Variants in TTLL5 observed in about 807,000 individuals in gnomAD.
The protein encoded by TTLL5 is tubulin tyrosine ligase like 5.
Under a neutral mutation model 168.4 loss-of-function variants are expected in TTLL5, and 132 were observed. The observed-to-expected ratio is 0.78, with a 90% CI of 0.68 to 0.91. The LOEUF (loss-of-function observed/expected upper bound fraction) is 0.91. TTLL5 is among the 40% of genes least tolerant of loss of function. The probability of loss-of-function intolerance (pLI) is 0.00; values close to 1 mark genes in which losing one functional copy is unlikely to be tolerated. For synonymous variants in TTLL5, 546 were observed against 558.6 expected (o/e 0.98, Z 0.32); for missense variants, 1,545 against 1,581.5 (o/e 0.98, Z 0.39).
chr14:75,950,177 ATAGATTTCAAT>A (rs1454075787), intron 31 of TTLL5, among the ~76,000 whole-genome samples: 2 of 152,244 alleles, frequency 1.3e-5, no homozygotes, highest in Middle Eastern at 3.2e-3. Flanking sequence ...AGAGGAAGGG[ATAGATTTCAAT>A]AATAACGTTA....
chr14:75,794,132 T>G (rs1892868345), intron 27 of TTLL5, among the ~76,000 whole-genome samples: 1 of 152,220 alleles, frequency 6.6e-6, no homozygotes, highest in South Asian at 2.1e-4. Flanking sequence ...ATTATTTTCT[T>G]TCTCAAATCC....
At chr14:75,690,065 G>A (rs538735196) in intron 5 of TTLL5, 127 bp from the exon 6 acceptor site, 33 of 1,005,546 alleles carry the variant, frequency 3.3e-5, no homozygotes, top group Middle Eastern at 4.5e-4. Context: ...ACAGCGATAT[G>A]TTTAGGATAC....
intron 22 of TTLL5, 56 bp downstream of exon 22, chr14:75,775,686 G>T: frequency 6.3e-7 from 1 of 1,591,368 alleles, no homozygotes. Flanking sequence ...GTCAGAAACA[G>T]ACTAGATAGA....
chr14:75,945,162 C>A (rs1370140746), intron 31 of TTLL5, among the ~76,000 whole-genome samples: 1 of 150,850 alleles, frequency 6.6e-6, no homozygotes, highest in Non-Finnish European at 1.5e-5. Flanking sequence ...GTGTACTTTC[C>A]TTCCTTTTGT....
At position 75,717,882 on chromosome 14, in the gene TTLL5, T is replaced by C; in HGVS notation, c.762T>C (p.Asp254=). 2 of 1,613,778 alleles carry C rather than the reference T, an allele frequency of 1.2e-6. No homozygotes were observed. The highest frequency in any genetic ancestry group is 1.7e-6 in the Non-Finnish European group (2 of 1,179,882). Residue 254 remains aspartate (D), a synonymous_variant, in exon 10 of 32, where the codon GAT becomes GAC. Coordinates refer to ENST00000298832, the MANE Select transcript of TTLL5 (RefSeq NM_015072.5). The part of the protein sequence containing the change: ...GLARFATVRY[D]QGAKNIRNQF... ...TCAGGTTTGCAACTGTGCGATATGA[T>C]CAAGGAGCCAAGAACATTCGGAACC...
At chr14:75,743,757 A>C (rs1002863664) in intron 15 of TTLL5, among the ~76,000 whole-genome samples, 2 of 151,344 alleles carry the variant, frequency 1.3e-5, no homozygotes, top group Non-Finnish European at 3.0e-5. Context: ...AATTTTTTGT[A>C]TTTTTAGTAG....
chr14:75,863,706 A>G lies in TTLL5; in HGVS notation c.3366A>G (p.Val1122=). Residue 1122 remains valine (V), a synonymous_variant, in exon 29 of 32, where the codon GTA becomes GTG. Coordinates refer to ENST00000298832, the MANE Select transcript of TTLL5 (RefSeq NM_015072.5). ...QTGGFAWEGE[V]ENNVYSQATG... is the part of the protein sequence containing the mutation. ...GGGGATTTGCCTGGGAAGGAGAAGT[A>G]GAAAACAACGTGTACAGCCAGGCTA... 3.7e-6 allele frequency: 6 copies of G among 1,613,006 alleles called. No homozygotes were observed. Among genetic ancestry groups the G allele is most frequent in the Non-Finnish European group, 4.2e-6 (5 of 1,179,608 alleles).
chr14:75,914,033 A>AAATATATATATATATATATATATAT, intron 31 of TTLL5, among the ~76,000 whole-genome samples: 1 of 71,098 alleles, frequency 1.4e-5, no homozygotes, highest in African/African-American at 1.6e-4. Context: ...AAAAAAAAAA[A>AAATATATATATATATATATATATAT]ATATATATAT....
intron 28 of TTLL5, among the ~76,000 whole-genome samples, chr14:75,852,708 A>G (rs1382718506): frequency 6.6e-6 from 1 of 152,226 alleles, no homozygotes; most frequent in Non-Finnish European, 1.5e-5. Flanking sequence ...GAGATCACTT[A>G]AAAATCTTGT....
chr14:75,894,658 C>T (rs921737117), intron 30 of TTLL5, among the ~76,000 whole-genome samples: 1 of 152,112 alleles, frequency 6.6e-6, no homozygotes, highest in Non-Finnish European at 1.5e-5. Context: ...ACAAATTAAA[C>T]TCTTCCATTA....
At chr14:75,675,502 T>C (rs1884072618) in intron 3 of TTLL5, among the ~76,000 whole-genome samples, 1 of 152,154 alleles carries the variant, frequency 6.6e-6, no homozygotes, top group Admixed American at 6.5e-5. Context: ...ATGTGAGTGG[T>C]TGGAGAAGAG....
intron 28 of TTLL5, among the ~76,000 whole-genome samples, chr14:75,844,416 A>T (rs1180406867): frequency 1.3e-5 from 2 of 152,246 alleles, no homozygotes; most frequent in Non-Finnish European, 2.9e-5. Flanking sequence ...TCTAAAACAA[A>T]GGTCTGTAGC....
At chr14:75,803,804 A>G (rs77518129) in intron 27 of TTLL5, among the ~76,000 whole-genome samples, 4,263 of 152,188 alleles carry the variant, frequency 0.028, 74 homozygotes, top group Middle Eastern at 0.065. Context: ...TAGTGCTCTG[A>G]AGAGATGTAG....
At chr14:75,771,621 T>C in intron 20 of TTLL5, 113 bp from the exon 21 acceptor site, 5 of 1,467,564 alleles carry the variant, frequency 3.4e-6, no homozygotes, top group Non-Finnish European at 4.6e-6. Context: ...GTTTCATATT[T>C]CTTAGCCATC....
At chr14:75,903,964 G>A in intron 31 of TTLL5, 1 of 404,158 alleles carries the variant, frequency 2.5e-6, no homozygotes. Flanking sequence ...TATCTCATAA[G>A]GCTTATAGTA....
At chr14:75,767,776 G>A (rs1323458827) in intron 20 of TTLL5, among the ~76,000 whole-genome samples, 1 of 152,166 alleles carries the variant, frequency 6.6e-6, no homozygotes, top group Admixed American at 6.5e-5. Flanking sequence ...GAAACTAAAG[G>A]CAGGGGGGTG....
intron 27 of TTLL5, among the ~76,000 whole-genome samples, chr14:75,801,095 TACG>T (rs754700736): frequency 2.6e-5 from 4 of 152,062 alleles, no homozygotes; most frequent in Non-Finnish European, 5.9e-5. Flanking sequence ...CCCAAGATAT[TACG>T]TCTTTTTTCT....
At chr14:75,886,145 A>G (rs140833065) in intron 30 of TTLL5, among the ~76,000 whole-genome samples, 2,175 of 152,316 alleles carry the variant, frequency 0.014, 64 homozygotes, top group African/African-American at 0.047. Flanking sequence ...TTTGGGTTGA[A>G]CTTCAAACTT....
intron 30 of TTLL5, among the ~76,000 whole-genome samples, chr14:75,901,585 G>C (rs924730892): frequency 2.6e-5 from 4 of 152,216 alleles, no homozygotes; most frequent in Admixed American, 2.6e-4. Context: ...ATGCGTAGCA[G>C]TATTCCTGGC....
Sources: allele counts gnomAD v4.1 joint callset (sites outside exome capture counted in the v4.1 genomes callset), GRCh38; gene constraint gnomAD v4.1.1; transcripts MANE v1.5; gene names NCBI Gene and HGNC (gene_info 2026-07-23, HGNC 2026-07-21).